Variants in RYR1 observed in about 807,000 individuals in gnomAD.
The protein encoded by RYR1 is ryanodine receptor 1.
Under a neutral mutation model 583.5 loss-of-function variants are expected in RYR1, and 342 were observed. The observed-to-expected ratio is 0.59, with a 90% CI of 0.54 to 0.64. The LOEUF (loss-of-function observed/expected upper bound fraction) is 0.64, where lower values mean the gene tolerates loss of function less well. Among genes scored for constraint, RYR1 ranks in the 30% least tolerant of loss-of-function variants. The pLI is 0.00. For synonymous variants in RYR1, 2,791 were observed against 2,822.5 expected (o/e 0.99, Z 0.35); for missense variants, 6,032 against 6,917.2 (o/e 0.87, Z 4.54).
intron 34 of RYR1, among the ~76,000 whole-genome samples, chr19:38,488,643 A>G (rs1446214187): frequency 6.6e-6 from 1 of 152,188 alleles, no homozygotes; most frequent in African/African-American, 2.4e-5. Context: ...CTGGGAATAC[A>G]GGCGTGCACC....
At chr19:38,474,315 T>C (rs1415030283) in intron 28 of RYR1, among the ~76,000 whole-genome samples, 2 of 152,102 alleles carry the variant, frequency 1.3e-5, no homozygotes, top group African/African-American at 2.4e-5. Context: ...CAGGCTGGAA[T>C]GCAATGGCGC....
intron 47 of RYR1, among the ~76,000 whole-genome samples, chr19:38,501,652 G>C (rs1208918086): frequency 1.3e-5 from 2 of 152,180 alleles, no homozygotes; most frequent in Non-Finnish European, 2.9e-5. Context: ...AAATGGGGAT[G>C]AGCAGTTTCA....
chr19:38,464,969 C>G (rs1389776697), intron 23 of RYR1, among the ~76,000 whole-genome samples: 2 of 151,886 alleles, frequency 1.3e-5, no homozygotes, highest in Non-Finnish European at 2.9e-5. Context: ...CAGGGTCTGC[C>G]TAGAGTCAGG....
chr19:38,570,212 C>G (rs1264510961), intron 93 of RYR1, among the ~76,000 whole-genome samples: 2 of 151,798 alleles, frequency 1.3e-5, no homozygotes, highest in South Asian at 4.2e-4. Context: ...AATCCCAGCA[C>G]TTAGGCTGAG....
In RYR1 at chr19:38,565,143, C is replaced by CGGGCGCGGAAGGCGCGGAGGA; in HGVS notation, c.12818_12838dup (p.Glu4273_Ala4279dup). The CGGGCGCGGAAGGCGCGGAGGA allele has an allele frequency of 2.0e-6, 3 of 1,521,392 alleles. No individual in the cohort carries two copies. Among genetic ancestry groups the CGGGCGCGGAAGGCGCGGAGGA allele is most frequent in the Non-Finnish European group, 2.6e-6 (3 of 1,138,114 alleles). The allele number at this position is 1,521,392 out of a possible 1,614,324, so 94.2% of individuals were successfully genotyped here. On this transcript the variant is annotated inframe_insertion, in exon 91 of 106. Coordinates refer to ENST00000359596, the MANE Select transcript of RYR1 (RefSeq NM_000540.3). This position sits in a 1 kb window ranked among gnomAD's most constrained non-coding sequence, Gnocchi z 4.7. ...GACGAGGGCGCGGGCGCGGCGGAGG[C>CGGGCGCGGAAGGCGCGGAGGA]GGGCGCGGAAGGCGCGGAGGAGGGC...
At position 38,528,399 on chromosome 19, in the gene RYR1, C is replaced by T; in HGVS notation, c.10918C>T (p.Pro3640Ser). Residue 3640 changes from proline (P) to serine (S), a missense_variant, in exon 74 of 106, where the codon CCC (proline) becomes TCC (serine). This residue lies in a region of RYR1 where 1,493 missense variants were observed against 1,715.5 expected (regional missense o/e 0.87). Transcript: ENST00000359596. ...AGTCGTGGCCTGTTTCCGTATGACG[C>T]CCCTGTACAACCTGCCCACGTAAGG... ...RAVVACFRMT[P>S]LYNLPTHRAC... 1 of 1,614,144 alleles carries T rather than the reference C, an allele frequency of 6.2e-7. No homozygotes were observed. The highest frequency in any genetic ancestry group is 2.2e-5 in the East Asian group (1 of 44,872).
intron 56 of RYR1, 39 bp from the exon 57 acceptor site, chr19:38,506,790 C>A: frequency 6.2e-7 from 1 of 1,613,788 alleles, no homozygotes; most frequent in African/African-American, 1.3e-5. Context: ...TGGCCCGGGT[C>A]TTCCCCAGAG....
chr19:38,455,881 TG>T, intron 16 of RYR1, 130 bp downstream of exon 16: 1 of 697,566 alleles, frequency 1.4e-6, no homozygotes, highest in Non-Finnish European at 2.6e-6. Flanking sequence ...CCACTCCCAC[TG>T]GCTTTCATCT....
At chr19:38,447,332 G>A (rs1972993694) in intron 9 of RYR1, among the ~76,000 whole-genome samples, 1 of 152,062 alleles carries the variant, frequency 6.6e-6, no homozygotes, top group African/African-American at 2.4e-5. Context: ...CTTGAGGTCA[G>A]GAGTTCCAGA....
rs1157480041 is a variant in RYR1 at position 38,565,974 on chromosome 19, C to T, written c.13437+203C>T. 6.6e-6 allele frequency among the ~76,000 whole-genome samples: 1 copy of T among 151,906 alleles called. No individual in the cohort carries two copies. Among genetic ancestry groups the T allele is most frequent in the Non-Finnish European group, 1.5e-5 (1 of 67,970 alleles). ...AGAGACGCTCAGAGACAGAGGGATA[C>T]TCAGACCCACAGAGAAAGAGACTCA... On this transcript the variant is annotated intron_variant, in intron 91 of 105. Coordinates refer to ENST00000359596, the MANE Select transcript of RYR1 (RefSeq NM_000540.3). This position sits in a 1 kb window ranked among gnomAD's most constrained non-coding sequence, Gnocchi z 4.7.
rs1295432420 is a variant in RYR1 at position 38,483,816 on chromosome 19, A to G, written c.4934+300A>G. Among the ~76,000 whole-genome samples, 4 of 151,922 alleles carry G rather than the reference A, an allele frequency of 2.6e-5. No individual in the cohort carries two copies. The highest frequency in any genetic ancestry group is 5.9e-5 in the Non-Finnish European group (4 of 67,948). ...CTCCACAGGGCCCCAAACCCATCTC[A>G]GGGAGCCAGACCCACATCAACACCC... On this transcript the variant is annotated intron_variant, in intron 33 of 105. Coordinates refer to ENST00000359596, the MANE Select transcript of RYR1 (RefSeq NM_000540.3). The surrounding 1 kb of genome is among the most constrained non-coding windows in gnomAD (Gnocchi z 6.3).
At chr19:38,587,270 A>G (rs1568614924) in intron 105 of RYR1, 55 bp from the exon 106 acceptor site, 4 of 1,133,994 alleles carry the variant, frequency 3.5e-6, no homozygotes, top group Non-Finnish European at 5.4e-6. Flanking sequence ...ATATATATAT[A>G]TGTCTCAAGG....
intron 88 of RYR1, among the ~76,000 whole-genome samples, chr19:38,547,932 C>G (rs1291406744): frequency 1.3e-5 from 2 of 152,128 alleles, no homozygotes; most frequent in Non-Finnish European, 2.9e-5. Flanking sequence ...AGGCTGGTCT[C>G]AAACTCCTGG....
chr19:38,579,883 C>T (rs1238686355), intron 99 of RYR1, 99 bp from the exon 100 acceptor site: 2 of 1,526,326 alleles, frequency 1.3e-6, no homozygotes, highest in African/African-American at 1.4e-5. Context: ...TGGCACCCGA[C>T]CCCCAGGGCA....
chr19:38,513,798 G>T (rs1304321163), intron 63 of RYR1, among the ~76,000 whole-genome samples: 1 of 152,072 alleles, frequency 6.6e-6, no homozygotes, highest in East Asian at 1.9e-4. Context: ...CTGTATGGTT[G>T]AAAGTATTTA....
intron 67 of RYR1, among the ~76,000 whole-genome samples, chr19:38,521,306 T>A (rs1168614830): frequency 6.7e-6 from 1 of 148,828 alleles, no homozygotes; most frequent in Non-Finnish European, 1.5e-5. Flanking sequence ...TAAGGTTTGT[T>A]TTTTTTTAAT....
intron 67 of RYR1, among the ~76,000 whole-genome samples, chr19:38,521,585 G>A (rs1043493870): frequency 2.1e-4 from 32 of 151,282 alleles, no homozygotes; most frequent in African/African-American, 7.5e-4. Flanking sequence ...AAGTACTCCT[G>A]AGTGGGAGGC....
chr19:38,584,204 C>G (rs1049507116), intron 101 of RYR1, among the ~76,000 whole-genome samples: 3 of 151,792 alleles, frequency 2.0e-5, no homozygotes, highest in Non-Finnish European at 4.4e-5. Flanking sequence ...CCTCCCCACC[C>G]CAGCCTCGAC....
Position 38,496,015 on chromosome 19 carries a change from G to C in RYR1, c.6549-200G>C, listed in dbSNP as rs910248670. On this transcript the variant is annotated intron_variant, in intron 39 of 105. Transcript: ENST00000359596. This position sits in a 1 kb window ranked among gnomAD's most constrained non-coding sequence, Gnocchi z 4.8. ...TGACCTCAAGTGATCCTCTAGCTTC[G>C]GCCTCCCAAAGTGCTGGGATTACAC... Among the ~76,000 whole-genome samples the C allele has an allele frequency of 6.6e-6, 1 of 152,030 alleles. No individual in the cohort carries two copies. The highest frequency in any genetic ancestry group is 6.6e-5 in the Admixed American group (1 of 15,252).
Sources: allele counts gnomAD v4.1 joint callset (sites outside exome capture counted in the v4.1 genomes callset), GRCh38; gene constraint gnomAD v4.1.1; regional missense constraint gnomAD v4.1.1; non-coding constraint Gnocchi (gnomAD v3.1); transcripts MANE v1.5; gene names NCBI Gene and HGNC (gene_info 2026-07-23, HGNC 2026-07-21).